ADAMTSL1: variants seen among roughly 807,000 people sequenced by gnomAD.
The protein encoded by ADAMTSL1 is ADAMTS-like protein 1.
ADAMTSL1 carries 126 observed loss-of-function variants against 201.8 expected under a neutral mutation model. The ratio of observed to expected loss-of-function variants is 0.62; its 90% CI spans 0.54 to 0.72. The LOEUF (loss-of-function observed/expected upper bound fraction) is 0.72. ADAMTSL1 is among the 30% of genes least tolerant of loss of function. The pLI, the probability that ADAMTSL1 is intolerant of heterozygous loss-of-function variation, is 0.00. For missense variants in ADAMTSL1, 2,679 were observed against 2,277.8 expected (o/e 1.18, Z -3.59); for synonymous variants, 1,121 against 903.4 (o/e 1.24, Z -4.32).
intron 23 of ADAMTSL1, among the ~76,000 whole-genome samples, chr9:18,879,791 G>A (rs1039739823): frequency 6.6e-6 from 1 of 152,182 alleles, no homozygotes; most frequent in African/African-American, 2.4e-5. Context: ...GAAGTTTGCT[G>A]CATCGATTGA....
intron 1 of ADAMTSL1, among the ~76,000 whole-genome samples, chr9:17,959,451 A>G (rs145162794): frequency 0.012 from 1,772 of 151,894 alleles, 13 homozygotes; most frequent in Middle Eastern, 0.041. Context: ...TGATTTTTTT[A>G]TTTTTATTTT....
rs551875607 is a variant in ADAMTSL1, at chr9:18,702,419, A to T, written c.1575-4328A>T. On this transcript the variant is annotated intron_variant, in intron 13 of 28. Coordinates refer to ENST00000380548, the MANE Select transcript of ADAMTSL1 (RefSeq NM_001040272.6). ...TTTATTATTTCAGTGCATGCTTCTA[A>T]CTCTATACTAGTCACTAATGAACTT... 2.2e-4 allele frequency among the ~76,000 whole-genome samples: 33 copies of T among 152,292 alleles called. No homozygotes were observed. The South Asian group carries it at 6.4e-3, about 30-fold the overall frequency.
At position 18,728,726 on chromosome 9, in the gene ADAMTSL1, T is replaced by C. The variant is rs966168009; in HGVS notation, c.2006+7061T>C. Among the ~76,000 whole-genome samples, 10 of 152,314 alleles carry C rather than the reference T, an allele frequency of 6.6e-5. No individual in the cohort carries two copies. The South Asian group carries it at 1.2e-3, about 19-fold the overall frequency. ...GTTATCCAAATGAAGAAGGAAGATG[T>C]TGCAGGCAGAAGGAAAACCATGAGC... On this transcript the variant is annotated intron_variant, in intron 15 of 28. Coordinates refer to ENST00000380548, the MANE Select transcript of ADAMTSL1 (RefSeq NM_001040272.6).
chr9:18,332,479 C>T (rs1300261858), intron 2 of ADAMTSL1, among the ~76,000 whole-genome samples: 1 of 151,978 alleles, frequency 6.6e-6, no homozygotes, highest in East Asian at 1.9e-4. Flanking sequence ...GAGACAAAAT[C>T]CTGCTCTCTC....
At chr9:18,144,757 C>T (rs1826556174) in intron 1 of ADAMTSL1, among the ~76,000 whole-genome samples, 1 of 152,048 alleles carries the variant, frequency 6.6e-6, no homozygotes, top group Non-Finnish European at 1.5e-5. Context: ...GACAGAGTGG[C>T]CCAAAGTCAC....
At chr9:17,966,524 TTTTTCTTTTTGTAGTTTTA>T (rs1340110387) in intron 1 of ADAMTSL1, among the ~76,000 whole-genome samples, 1 of 152,152 alleles carries the variant, frequency 6.6e-6, no homozygotes, top group African/African-American at 2.4e-5. Context: ...CTTCTTTGTA[TTTTTCTTTTTGTAGTTTTA>T]TCAACAAAAT....
chr9:18,488,931 T>C (rs1370041131), intron 1 of ADAMTSL1, among the ~76,000 whole-genome samples: 5 of 152,142 alleles, frequency 3.3e-5, no homozygotes, highest in Admixed American at 6.5e-5. Flanking sequence ...AGAATAAAGA[T>C]AAAAGTTGGT....
chr9:18,415,720 A>G (rs1034696817), intron 2 of ADAMTSL1, among the ~76,000 whole-genome samples: 13 of 152,112 alleles, frequency 8.5e-5, no homozygotes, highest in African/African-American at 2.7e-4. Flanking sequence ...AAGGACAAAA[A>G]ACATGAAGGA....
intron 19 of ADAMTSL1, among the ~76,000 whole-genome samples, chr9:18,792,512 C>A (rs917680493): frequency 3.3e-5 from 5 of 152,168 alleles, no homozygotes; most frequent in African/African-American, 1.2e-4. Context: ...GAGCCAGCTA[C>A]CCTAATGGGT....
At chr9:18,724,708 T>A (rs2133443964) in intron 15 of ADAMTSL1, among the ~76,000 whole-genome samples, 1 of 152,320 alleles carries the variant, frequency 6.6e-6, no homozygotes, top group Admixed American at 6.5e-5. Context: ...ATTATATAAA[T>A]GAGTATGAAG....
chr9:18,520,066 A>G (rs1022263970), intron 2 of ADAMTSL1, among the ~76,000 whole-genome samples: 2 of 152,228 alleles, frequency 1.3e-5, no homozygotes, highest in Admixed American at 1.3e-4. Context: ...TATAGTTTAG[A>G]CATACCAAAC....
In ADAMTSL1 at chr9:18,093,738, G is replaced by T. The variant is rs73420855; in HGVS notation, c.88-70124G>T. Among the ~76,000 whole-genome samples the T allele has an allele frequency of 2.9e-3, 447 of 152,254 alleles. 3 individuals are homozygous for T. The highest frequency in any genetic ancestry group is 1.0e-2 in the African/African-American group (415 of 41,546). ...TTTCAAAGTATTTGGCAAAGAGCATGGTATTTGAGCTTTGGTCTTGGAAGA... is the reference window on the plus strand; with the variant it reads ...TTTCAAAGTATTTGGCAAAGAGCATTGTATTTGAGCTTTGGTCTTGGAAGA... On this transcript the variant is annotated intron_variant, in intron 1 of 29. Transcript: ENST00000680146.
rs939847893 is a variant in ADAMTSL1, at chr9:18,876,327, T to TGTGTGTGTGTGC, written c.4250-11501_4250-11500insTGTGTGTGCGTG. Among the ~76,000 whole-genome samples, 16 of 151,492 alleles carry TGTGTGTGTGTGC rather than the reference T, an allele frequency of 1.1e-4. No individual in the cohort carries two copies. In the South Asian group the frequency reaches 3.3e-3, roughly 32 times the overall value. ...GTGTGTGTGTGTGTGTGTGTGTGTG[T>TGTGTGTGTGTGC]GTGCGTGATTGTTTTATAGGTTCTG... On this transcript the variant is annotated intron_variant, in intron 23 of 28. Coordinates refer to ENST00000380548, the MANE Select transcript of ADAMTSL1 (RefSeq NM_001040272.6).
At chr9:18,547,520 A>T (rs1820537649) in intron 3 of ADAMTSL1, among the ~76,000 whole-genome samples, 1 of 151,214 alleles carries the variant, frequency 6.6e-6, no homozygotes, top group South Asian at 2.1e-4. Context: ...CTCTGGTAGG[A>T]TACCAGGGTT....
intron 9 of ADAMTSL1, among the ~76,000 whole-genome samples, chr9:18,672,186 G>GT (rs35461401): frequency 0.1 from 14,824 of 143,556 alleles, 759 homozygotes; most frequent in African/African-American, 0.12. Context: ...ATTTTGGCTT[G>GT]TTTTTTTTTT....
intron 13 of ADAMTSL1, among the ~76,000 whole-genome samples, chr9:18,694,286 G>C (rs955191062): frequency 1.3e-5 from 2 of 152,030 alleles, no homozygotes; most frequent in African/African-American, 4.8e-5. Flanking sequence ...CAAATCTCAT[G>C]CCCTTCTCAT....
chr9:18,537,152 A>T (rs993079430), intron 3 of ADAMTSL1, among the ~76,000 whole-genome samples: 3 of 152,244 alleles, frequency 2.0e-5, no homozygotes, highest in Non-Finnish European at 2.9e-5. Flanking sequence ...AAATAAAACC[A>T]AGACCCAATT....
rs80105895 is a variant in ADAMTSL1, at chr9:18,041,738, T to A, written c.88-122124T>A. Among the ~76,000 whole-genome samples the A allele has an allele frequency of 2.4e-3, 368 of 152,252 alleles. 4 individuals are homozygous for A. The East Asian group carries it at 0.044, about 18-fold the overall frequency. On this transcript the variant is annotated intron_variant, in intron 1 of 29. Transcript: ENST00000680146. Reference sequence around the variant, plus strand: ...ATTGTACCAATTGATATGAAAATCATGATTTTCAAAATTTATAAATATTTT... The same window carrying A: ...ATTGTACCAATTGATATGAAAATCAAGATTTTCAAAATTTATAAATATTTT...
intron 4 of ADAMTSL1, among the ~76,000 whole-genome samples, chr9:18,610,886 A>T (rs1270955605): frequency 1.3e-5 from 2 of 152,198 alleles, no homozygotes; most frequent in Non-Finnish European, 1.5e-5. Context: ...TTGTGTGTAG[A>T]ATTTTGTTTA....
Sources: gnomAD v4.1 joint callset for allele counts (sites outside exome capture counted in the v4.1 genomes callset) on GRCh38, gnomAD v4.1.1 for gene constraint, MANE v1.5 for transcripts, NCBI Gene and HGNC (gene_info 2026-07-23, HGNC 2026-07-21) for gene names.